The following CNTNAP5 variants were observed in gnomAD, a reference collection of about 807,000 sequenced individuals.
CNTNAP5 encodes contactin associated protein family member 5.
CNTNAP5 carries 72 observed loss-of-function variants against 150.2 expected under a neutral mutation model. The observed-to-expected ratio is 0.48, with a 90% CI of 0.40 to 0.58. The LOEUF is 0.58. Among genes scored for constraint, CNTNAP5 ranks in the 20% least tolerant of loss-of-function variants. The probability of loss-of-function intolerance (pLI) is 0.00; values close to 1 mark genes in which losing one functional copy is unlikely to be tolerated. For synonymous variants in CNTNAP5, 672 were observed against 619.8 expected (o/e 1.08, Z -1.25); for missense variants, 1,636 against 1,626.2 (o/e 1.01, Z -0.10).
intron 13 of CNTNAP5, among the ~76,000 whole-genome samples, chr2:124,728,891 T>C (rs1680213356): frequency 6.6e-6 from 1 of 152,112 alleles, no homozygotes; most frequent in South Asian, 2.1e-4. Context: ...ATATATAAGC[T>C]AGACTATTTT....
At chr2:124,142,792 A>G (rs1190432914) in intron 1 of CNTNAP5, among the ~76,000 whole-genome samples, 2 of 149,398 alleles carry the variant, frequency 1.3e-5, no homozygotes, top group African/African-American at 2.5e-5. Context: ...CTAAAATCAG[A>G]GCAGAACTGA....
At chr2:124,518,792 G>T (rs1694787270) in intron 8 of CNTNAP5, among the ~76,000 whole-genome samples, 1 of 151,818 alleles carries the variant, frequency 6.6e-6, no homozygotes, top group African/African-American at 2.4e-5. Flanking sequence ...TTCAAGACCA[G>T]CCTGGCCAAC....
chr2:124,865,482 C>T, intron 20 of CNTNAP5, 46 bp downstream of exon 20: 2 of 1,532,336 alleles, frequency 1.3e-6, no homozygotes, highest in South Asian at 1.2e-5. Context: ...GCCTTGGCTA[C>T]TCTATCAAAC....
rs1681242614 is a variant in CNTNAP5, at chr2:124,773,108, C to T, written c.2752+91C>T. The T allele has an allele frequency of 4.4e-6, 4 of 913,334 alleles. No homozygotes were observed. The Admixed American group carries it at 7.5e-5, about 17-fold the overall frequency. 56.6% of individuals were successfully genotyped at this position (913,334 alleles called of 1,614,324 possible). A position where few individuals can be genotyped will look rare whatever the true frequency, so the allele number is the denominator to read the frequency against. ...GAAAAAATTCTCTTTTATCTGAGAT[C>T]TGGGATATGATCAAAATGTCATAAA... On this transcript the variant is annotated intron_variant, in intron 17 of 23. Transcript: ENST00000682447.
intron 19 of CNTNAP5, among the ~76,000 whole-genome samples, chr2:124,863,202 T>TAATTATCACAC (rs1312046767): frequency 6.6e-6 from 1 of 152,198 alleles, no homozygotes; most frequent in African/African-American, 2.4e-5. Flanking sequence ...GTCTGGCACG[T>TAATTATCACAC]AATTATCACA....
chr2:124,084,740 G>A (rs1396809635), intron 1 of CNTNAP5, among the ~76,000 whole-genome samples: 8 of 151,812 alleles, frequency 5.3e-5, no homozygotes, highest in Admixed American at 2.6e-4. Flanking sequence ...ACATTCATGT[G>A]TATATATCTT....
intron 1 of CNTNAP5, among the ~76,000 whole-genome samples, chr2:124,083,228 A>G (rs1682598889): frequency 6.6e-6 from 1 of 152,152 alleles, no homozygotes; most frequent in African/African-American, 2.4e-5. Context: ...CGTGCCTGTA[A>G]TCTCAGCTAG....
intron 3 of CNTNAP5, among the ~76,000 whole-genome samples, chr2:124,370,220 ACT>A (rs1469121510): frequency 1.3e-5 from 2 of 152,166 alleles, no homozygotes; most frequent in Non-Finnish European, 2.9e-5. Flanking sequence ...GTACGTGAAC[ACT>A]GTTTTGCAGA....
chr2:124,865,548 C>T lies in CNTNAP5; in HGVS notation c.3348+112C>T, dbSNP rs889047063. ...GTGCCTAGTGCTGGAAACATAGTTA[C>T]AAATCACACTTGCCCCCAGACTTGG... On this transcript the variant is annotated intron_variant, in intron 20 of 23. Transcript: ENST00000682447. 2.9e-5 allele frequency: 28 copies of T among 980,230 alleles called. No individual in the cohort carries two copies. The Admixed American group carries it at 5.8e-4, about 20-fold the overall frequency. 60.7% of individuals were successfully genotyped at this position (980,230 alleles called of 1,614,324 possible). A position where few individuals can be genotyped will look rare whatever the true frequency, so the allele number is the denominator to read the frequency against.
At chr2:124,688,996 C>T (rs1679248391) in intron 13 of CNTNAP5, among the ~76,000 whole-genome samples, 1 of 152,080 alleles carries the variant, frequency 6.6e-6, no homozygotes, top group Non-Finnish European at 1.5e-5. Flanking sequence ...ATAATGTTCA[C>T]ACATAGGATA....
chr2:124,208,363 G>T (rs1685917136), intron 1 of CNTNAP5, among the ~76,000 whole-genome samples: 1 of 152,110 alleles, frequency 6.6e-6, no homozygotes, highest in South Asian at 2.1e-4. Context: ...TATGAAAGGT[G>T]GTATTTCCAA....
At chr2:124,187,198 G>A (rs1299378028) in intron 1 of CNTNAP5, among the ~76,000 whole-genome samples, 1 of 152,192 alleles carries the variant, frequency 6.6e-6, no homozygotes, top group Non-Finnish European at 1.5e-5. Flanking sequence ...AGATGGATAT[G>A]CATTACTAGT....
intron 5 of CNTNAP5, among the ~76,000 whole-genome samples, chr2:124,435,622 A>T (rs1287910648): frequency 6.6e-6 from 1 of 152,212 alleles, no homozygotes; most frequent in Non-Finnish European, 1.5e-5. Context: ...TGTCTTCACT[A>T]TAAAATAGTA....
intron 1 of CNTNAP5, among the ~76,000 whole-genome samples, chr2:124,161,547 G>A (rs1659082904): frequency 6.6e-6 from 1 of 152,136 alleles, no homozygotes; most frequent in Admixed American, 6.6e-5. Context: ...ATTGATAGGA[G>A]GAGATGTTTC....
chr2:124,727,490 G>A (rs923581621), intron 13 of CNTNAP5, among the ~76,000 whole-genome samples: 5 of 151,888 alleles, frequency 3.3e-5, no homozygotes, highest in South Asian at 2.1e-4. Context: ...TCACCATTTC[G>A]TTTATCAATG....
At chr2:124,895,720 A>T (rs1003657226) in intron 21 of CNTNAP5, among the ~76,000 whole-genome samples, 3 of 151,648 alleles carry the variant, frequency 2.0e-5, no homozygotes, top group African/African-American at 7.3e-5. Flanking sequence ...GGAAGACTTG[A>T]TAACCACACA....
intron 3 of CNTNAP5, among the ~76,000 whole-genome samples, chr2:124,400,973 G>A (rs1691408752): frequency 6.6e-6 from 1 of 152,078 alleles, no homozygotes. Context: ...CCGGGTTCAA[G>A]CGATTCTCCT....
At chr2:124,795,193 C>T (rs1283892487) in intron 18 of CNTNAP5, among the ~76,000 whole-genome samples, 5 of 152,138 alleles carry the variant, frequency 3.3e-5, no homozygotes, top group African/African-American at 1.2e-4. Flanking sequence ...CTGAATTCAT[C>T]CTGATTTATA....
At chr2:124,313,031 T>C (rs995116464) in intron 3 of CNTNAP5, among the ~76,000 whole-genome samples, 2 of 152,224 alleles carry the variant, frequency 1.3e-5, no homozygotes, top group Non-Finnish European at 1.5e-5. Flanking sequence ...ATCGGGGCTA[T>C]TGAATGAATA....
Sources: gnomAD v4.1 joint callset for allele counts (sites outside exome capture counted in the v4.1 genomes callset) on GRCh38, gnomAD v4.1.1 for gene constraint, MANE v1.5 for transcripts, NCBI Gene and HGNC (gene_info 2026-07-23, HGNC 2026-07-21) for gene names.